The following HEATR5B variants were observed in gnomAD, a reference collection of about 807,000 sequenced individuals.
HEATR5B encodes HEAT repeat containing 5B, also known as HEAT repeat-containing protein 5B.
Under a neutral mutation model 224.1 loss-of-function variants are expected in HEATR5B, and 156 were observed. That is an observed-to-expected ratio of 0.70 (90% CI 0.61 to 0.80). The LOEUF (loss-of-function observed/expected upper bound fraction) is 0.80, where lower values mean the gene tolerates loss of function less well. HEATR5B is among the 30% of genes least tolerant of loss of function. The pLI is 0.00. For missense variants in HEATR5B, 2,323 were observed against 2,535.5 expected, an observed-to-expected ratio of 0.92 and a Z score of 1.80; for synonymous variants, 1,027 against 893.0, an observed-to-expected ratio of 1.15 and a Z score of -2.68.
chr2:37,014,732 A>G (rs1668006549), intron 26 of HEATR5B, among the ~76,000 whole-genome samples: 1 of 151,118 alleles, frequency 6.6e-6, no homozygotes, highest in Admixed American at 6.6e-5. Context: ...TAATCCTAGC[A>G]CTTTGGGAGG....
At chr2:37,052,340 C>G (rs1044719713) in intron 17 of HEATR5B, among the ~76,000 whole-genome samples, 1 of 152,098 alleles carries the variant, frequency 6.6e-6, no homozygotes, top group African/African-American at 2.4e-5. Flanking sequence ...GATTAGGAAC[C>G]TGATTGCTGT....
chr2:37,045,207 T>A (rs767814573), intron 18 of HEATR5B, among the ~76,000 whole-genome samples: 1 of 152,114 alleles, frequency 6.6e-6, no homozygotes, highest in Non-Finnish European at 1.5e-5. Flanking sequence ...TTCTGGGCCG[T>A]TTCTATTGAT....
At chr2:36,994,823 C>T (rs1454004640) in intron 33 of HEATR5B, among the ~76,000 whole-genome samples, 1 of 152,198 alleles carries the variant, frequency 6.6e-6, no homozygotes, top group African/African-American at 2.4e-5. Flanking sequence ...GCGATCTCAG[C>T]TCACTGCAAG....
At chr2:37,065,702 C>T in intron 9 of HEATR5B, 53 bp downstream of exon 9, 1 of 1,475,546 alleles carries the variant, frequency 6.8e-7, no homozygotes, top group Non-Finnish European at 9.4e-7. Context: ...ATCAATCACA[C>T]TTATGACTGA....
At chr2:36,987,648 A>G (rs1666036676) in intron 35 of HEATR5B, among the ~76,000 whole-genome samples, 1 of 152,190 alleles carries the variant, frequency 6.6e-6, no homozygotes, top group Non-Finnish European at 1.5e-5. Context: ...TTTTCATTAA[A>G]TTAAAAAAAA....
At chr2:37,032,182 CT>C (rs1205951807) in intron 22 of HEATR5B, among the ~76,000 whole-genome samples, 2 of 152,142 alleles carry the variant, frequency 1.3e-5, no homozygotes, top group African/African-American at 4.8e-5. Context: ...TATTCTGATA[CT>C]AAATACTTTT....
chr2:37,023,294 G>C (rs777475324), intron 24 of HEATR5B, among the ~76,000 whole-genome samples: 11 of 152,062 alleles, frequency 7.2e-5, no homozygotes, highest in African/African-American at 1.2e-4. Context: ...TTCTTCAGGA[G>C]GCTTCAAAAC....
intron 5 of HEATR5B, among the ~76,000 whole-genome samples, chr2:37,072,744 G>C (rs1009014500): frequency 1.3e-5 from 2 of 151,854 alleles, no homozygotes; most frequent in African/African-American, 4.8e-5. Context: ...CTCTAGTCAG[G>C]CTGATCAGGA....
At chr2:37,078,327 C>T (rs1044768946) in intron 3 of HEATR5B, among the ~76,000 whole-genome samples, 4 of 152,168 alleles carry the variant, frequency 2.6e-5, no homozygotes, top group African/African-American at 9.7e-5. Context: ...ACCCTGTAGG[C>T]TGATAATAAA....
At chr2:36,996,608 T>G (rs1666732301) in intron 33 of HEATR5B, among the ~76,000 whole-genome samples, 1 of 152,018 alleles carries the variant, frequency 6.6e-6, no homozygotes, top group East Asian at 1.9e-4. Context: ...TATATTTTTT[T>G]GAGACAGAGT....
chr2:37,006,605 C>A (rs1189745728), intron 29 of HEATR5B, among the ~76,000 whole-genome samples: 1 of 152,174 alleles, frequency 6.6e-6, no homozygotes, highest in African/African-American at 2.4e-5. Flanking sequence ...TGCGCCACTG[C>A]ACTCCAGCCT....
At chr2:36,986,802 A>G (rs1665978121) in intron 35 of HEATR5B, among the ~76,000 whole-genome samples, 1 of 152,060 alleles carries the variant, frequency 6.6e-6, no homozygotes. Flanking sequence ...CTTTTAGTAG[A>G]GACAGGGTTT....
chr2:37,043,049 C>T (rs1188779047), intron 18 of HEATR5B, among the ~76,000 whole-genome samples: 10 of 152,116 alleles, frequency 6.6e-5, no homozygotes, highest in Admixed American at 6.5e-4. Flanking sequence ...CAACAACATA[C>T]ATATCTCAAC....
At chr2:37,019,962 G>T in intron 25 of HEATR5B, 85 bp from the exon 26 acceptor site, 2 of 936,618 alleles carry the variant, frequency 2.1e-6, no homozygotes, top group African/African-American at 1.7e-5. Context: ...GGAGTGCAGT[G>T]GTGCGATCTC....
intron 18 of HEATR5B, among the ~76,000 whole-genome samples, chr2:37,046,408 G>A (rs756512000): frequency 1.6e-4 from 25 of 152,130 alleles, no homozygotes; most frequent in Non-Finnish European, 1.8e-4. Flanking sequence ...GGAGGCCAAG[G>A]TGGGTGGATC....
chr2:37,002,900 G>C (rs1667183227), intron 31 of HEATR5B, among the ~76,000 whole-genome samples: 1 of 152,076 alleles, frequency 6.6e-6, no homozygotes, highest in Admixed American at 6.5e-5. Context: ...ATTTCATTTG[G>C]TCCTTTCTAA....
chr2:37,012,694 G>A (rs557373406), intron 27 of HEATR5B, among the ~76,000 whole-genome samples: 1 of 152,208 alleles, frequency 6.6e-6, no homozygotes, highest in Admixed American at 6.5e-5. Flanking sequence ...CTGGCCTAGG[G>A]CGCAGTTTTA....
intron 2 of HEATR5B, among the ~76,000 whole-genome samples, chr2:37,081,812 T>C (rs1453315541): frequency 6.6e-6 from 1 of 152,102 alleles, no homozygotes; most frequent in Non-Finnish European, 1.5e-5. Context: ...GTCCCCAGTC[T>C]TCTCCCACAA....
intron 18 of HEATR5B, among the ~76,000 whole-genome samples, chr2:37,049,449 C>G (rs984760474): frequency 6.6e-6 from 1 of 152,116 alleles, no homozygotes; most frequent in South Asian, 2.1e-4. Flanking sequence ...GCCCTCTCCA[C>G]GCAGAAAGTA....
Sources: gnomAD v4.1 joint callset for allele counts (sites outside exome capture counted in the v4.1 genomes callset) on GRCh38, gnomAD v4.1.1 for gene constraint, MANE v1.5 for transcripts, NCBI Gene and HGNC (gene_info 2026-07-23, HGNC 2026-07-21) for gene names.